RPS6KB1: variants seen among roughly 807,000 people sequenced by gnomAD.
The protein encoded by RPS6KB1 is ribosomal protein S6 kinase beta-1.
Under a neutral mutation model 70.2 loss-of-function variants are expected in RPS6KB1, and 12 were observed. That is an observed-to-expected ratio of 0.17 (90% CI 0.11 to 0.28). The LOEUF (loss-of-function observed/expected upper bound fraction) is 0.28. Among genes scored for constraint, RPS6KB1 ranks in the 10% least tolerant of loss-of-function variants. The pLI is 1.00. For missense variants in RPS6KB1, 270 were observed against 646.6 expected, an observed-to-expected ratio of 0.42 and a Z score of 6.32; for synonymous variants, 175 against 211.2, an observed-to-expected ratio of 0.83 and a Z score of 1.49.
intron 1 of RPS6KB1, among the ~76,000 whole-genome samples, chr17:59,902,721 C>T (rs2042031079): frequency 1.3e-5 from 2 of 151,952 alleles, no homozygotes; most frequent in African/African-American, 4.8e-5. Context: ...GGACCACAGG[C>T]ACGTGCCACC....
intron 1 of RPS6KB1, chr17:59,906,874 A>C (rs2042295927): frequency 6.9e-6 from 1 of 144,880 alleles, no homozygotes; most frequent in Non-Finnish European, 1.5e-5. Flanking sequence ...TTGTATTTTT[A>C]GTAGAGATGG....
chr17:59,923,567 G>T (rs567625042), intron 4 of RPS6KB1, among the ~76,000 whole-genome samples: 11 of 152,166 alleles, frequency 7.2e-5, no homozygotes, highest in Admixed American at 6.6e-4. Context: ...CTGGAATGCA[G>T]TGGTGTGATC....
intron 12 of RPS6KB1, among the ~76,000 whole-genome samples, chr17:59,939,000 TC>T (rs2044421522): frequency 6.6e-6 from 1 of 152,198 alleles, no homozygotes; most frequent in African/African-American, 2.4e-5. Flanking sequence ...ATGGTCTTAT[TC>T]TAACTGTTAT....
intron 12 of RPS6KB1, among the ~76,000 whole-genome samples, chr17:59,939,402 C>T (rs2044448447): frequency 6.6e-6 from 1 of 152,130 alleles, no homozygotes; most frequent in Admixed American, 6.5e-5. Context: ...CCACCTCACC[C>T]TCTTGAGTAG....
chr17:59,916,989 T>G (rs1255898753), intron 4 of RPS6KB1, among the ~76,000 whole-genome samples: 1 of 152,218 alleles, frequency 6.6e-6, no homozygotes, highest in Non-Finnish European at 1.5e-5. Context: ...TCTGTTGAAG[T>G]GCTTTGGCAT....
chr17:59,908,551 C>G (rs1035010808), intron 1 of RPS6KB1, among the ~76,000 whole-genome samples: 1 of 149,906 alleles, frequency 6.7e-6, no homozygotes, highest in African/African-American at 2.5e-5. Flanking sequence ...GGAAAATTCA[C>G]TTGGTTTTAT....
intron 1 of RPS6KB1, among the ~76,000 whole-genome samples, chr17:59,904,201 C>T (rs1382987123): frequency 6.6e-6 from 1 of 151,498 alleles, no homozygotes; most frequent in Non-Finnish European, 1.5e-5. Context: ...CTGCCTCAGC[C>T]TCCTGAGTAG....
At chr17:59,901,625 GAAAAAAAAAA>G (rs58530265) in intron 1 of RPS6KB1, among the ~76,000 whole-genome samples, 7 of 79,198 alleles carry the variant, frequency 8.8e-5, no homozygotes, top group Admixed American at 6.3e-4. Flanking sequence ...CCCTGTCTCT[GAAAAAAAAAA>G]AAAAAAAAAA....
intron 13 of RPS6KB1, among the ~76,000 whole-genome samples, chr17:59,944,580 A>G (rs1471274227): frequency 6.6e-6 from 1 of 152,124 alleles, no homozygotes; most frequent in Non-Finnish European, 1.5e-5. Flanking sequence ...GGGATACCCC[A>G]TCTCTTAAAA....
chr17:59,937,116 C>T (rs1324114666), intron 12 of RPS6KB1, among the ~76,000 whole-genome samples: 2 of 152,168 alleles, frequency 1.3e-5, no homozygotes, highest in Non-Finnish European at 2.9e-5. Flanking sequence ...CCCACCTCAG[C>T]CTCTCAAAGT....
intron 1 of RPS6KB1, among the ~76,000 whole-genome samples, chr17:59,898,779 C>G (rs992928176): frequency 1.3e-5 from 2 of 151,678 alleles, no homozygotes; most frequent in African/African-American, 4.8e-5. Flanking sequence ...TTTTAAATAG[C>G]CCAAGAGTTT....
chr17:59,901,473 AAGG>A (rs1459633185), intron 1 of RPS6KB1, among the ~76,000 whole-genome samples: 1 of 150,636 alleles, frequency 6.6e-6, no homozygotes, highest in Non-Finnish European at 1.5e-5. Flanking sequence ...AAAAAAAAAA[AAGG>A]AAATTTTTAT....
chr17:59,933,026 C>T (rs561226220), intron 7 of RPS6KB1, among the ~76,000 whole-genome samples: 7 of 152,238 alleles, frequency 4.6e-5, no homozygotes, highest in South Asian at 2.1e-4. Context: ...GCAATTCACT[C>T]GTACCCCAAA....
chr17:59,901,616 C>A (rs2041949547), intron 1 of RPS6KB1, among the ~76,000 whole-genome samples: 1 of 139,086 alleles, frequency 7.2e-6, no homozygotes, highest in South Asian at 2.3e-4. Flanking sequence ...ATAACAGCAC[C>A]CTGTCTCTGA....
At chr17:59,928,094 G>A (rs1258194438) in intron 5 of RPS6KB1, among the ~76,000 whole-genome samples, 6 of 151,822 alleles carry the variant, frequency 4.0e-5, no homozygotes, top group African/African-American at 1.5e-4. Context: ...GGAGACGGAG[G>A]TTGTGGTGAG....
At chr17:59,931,917 G>A (rs890853674) in intron 7 of RPS6KB1, among the ~76,000 whole-genome samples, 195 bp downstream of exon 7, 1 of 152,146 alleles carries the variant, frequency 6.6e-6, no homozygotes, top group African/African-American at 2.4e-5. Context: ...AAAAGAAGTT[G>A]AGGATAATAG....
intron 2 of RPS6KB1, among the ~76,000 whole-genome samples, chr17:59,911,640 G>A (rs1474315536): frequency 2.0e-5 from 3 of 147,590 alleles, no homozygotes; most frequent in Non-Finnish European, 4.4e-5. Flanking sequence ...TGCCTCCCAG[G>A]TTCAAGTGAT....
Position 59,893,772 on chromosome 17 carries a change from C to T in RPS6KB1, c.141+447C>T. ...CAGACCTCCCACAACCACCTCTCTTCTCGGCCTGTCGCTTCTCTCCTAGGA... is the reference window on the plus strand; with the variant it reads ...CAGACCTCCCACAACCACCTCTCTTTTCGGCCTGTCGCTTCTCTCCTAGGA... On this transcript the variant is annotated intron_variant, in intron 1 of 14. Transcript: ENST00000225577. The surrounding 1 kb of genome is among the most constrained non-coding windows in gnomAD (Gnocchi z 4.1). 3 of 991,334 alleles carry T rather than the reference C, an allele frequency of 3.0e-6. No individual in the cohort carries two copies. Among genetic ancestry groups the T allele is most frequent in the Non-Finnish European group, 3.6e-6 (3 of 833,136 alleles). 61.4% of individuals were successfully genotyped at this position (991,334 alleles called of 1,614,324 possible). A position where few individuals can be genotyped will look rare whatever the true frequency, so the allele number is the denominator to read the frequency against.
chr17:59,947,310 A>G lies in RPS6KB1; in HGVS notation c.*522A>G. Reference sequence around the variant, plus strand: ...CAACCTGAATCTTTTTTTTATATAAATATATATTTTTCAAATAGATTTTTG... The same window carrying G: ...CAACCTGAATCTTTTTTTTATATAAGTATATATTTTTCAAATAGATTTTTG... On this transcript the variant is annotated 3_prime_UTR_variant, in exon 15 of 15. Coordinates refer to ENST00000225577, the MANE Select transcript of RPS6KB1 (RefSeq NM_003161.4). 1 of 1,011,584 alleles carries G rather than the reference A, an allele frequency of 9.9e-7. No individual in the cohort carries two copies. The highest frequency in any genetic ancestry group is 1.2e-6 in the Non-Finnish European group (1 of 828,534). 62.7% of individuals were successfully genotyped at this position (1,011,584 alleles called of 1,614,324 possible). A position where few individuals can be genotyped will look rare whatever the true frequency, so the allele number is the denominator to read the frequency against.
Sources: gnomAD v4.1 joint callset for allele counts (sites outside exome capture counted in the v4.1 genomes callset) on GRCh38, gnomAD v4.1.1 for gene constraint, Gnocchi (gnomAD v3.1) non-coding constraint, MANE v1.5 for transcripts, NCBI Gene and HGNC (gene_info 2026-07-23, HGNC 2026-07-21) for gene names.